Variants in CTNNAL1 observed in about 807,000 individuals in gnomAD.
The protein encoded by CTNNAL1 is alpha-catulin.
CTNNAL1 carries 69 observed loss-of-function variants against 93.6 expected under a neutral mutation model. The observed-to-expected ratio is 0.74, with a 90% CI of 0.61 to 0.90. The LOEUF is 0.90. Ranked by LOEUF, CTNNAL1 falls within the 40% of genes least tolerant of loss-of-function variation. The pLI, the probability that CTNNAL1 is intolerant of heterozygous loss-of-function variation, is 0.00. For synonymous variants in CTNNAL1, 286 were observed against 305.4 expected (o/e 0.94, Z 0.66); for missense variants, 836 against 862.0 (o/e 0.97, Z 0.38).
chr9:108,979,373 A>T lies in CTNNAL1; in HGVS notation c.1009T>A (p.Tyr337Asn). 1 of 1,614,178 alleles carries T rather than the reference A, an allele frequency of 6.2e-7. No individual in the cohort carries two copies. The highest frequency in any genetic ancestry group is 8.5e-7 in the Non-Finnish European group (1 of 1,180,020). ...CGTTCTCTGTGCTCATGGCTGGTGTAGGCAGAATCAGTAAAGTCCTCCATA... is the reference window on the plus strand; with the variant it reads ...CGTTCTCTGTGCTCATGGCTGGTGTTGGCAGAATCAGTAAAGTCCTCCATA... ...ERMEDFTDSA[Y>N]TSHEHRERIL... is the part of the protein sequence containing the mutation. Residue 337 changes from tyrosine (Y) to asparagine (N), a missense_variant, in exon 7 of 19, where the codon TAC (tyrosine) becomes AAC (asparagine). Tyr to Asn is a moderately radical substitution (Grantham distance 143). Coordinates refer to ENST00000325551, the MANE Select transcript of CTNNAL1 (RefSeq NM_003798.4).
intron 1 of CTNNAL1, among the ~76,000 whole-genome samples, chr9:109,003,636 T>C (rs1826921101): frequency 6.6e-6 from 1 of 152,228 alleles, no homozygotes; most frequent in Non-Finnish European, 1.5e-5. Context: ...TGAACAGGAC[T>C]GTATAGCAGT....
At chr9:108,971,626 CTCCTT>C (rs1831120013) in intron 9 of CTNNAL1, among the ~76,000 whole-genome samples, 1 of 152,200 alleles carries the variant, frequency 6.6e-6, no homozygotes, top group South Asian at 2.1e-4. Flanking sequence ...GCCTTTGCTC[CTCCTT>C]TGCCTTCTGC....
At chr9:109,009,979 T>G (rs1020567153) in intron 1 of CTNNAL1, among the ~76,000 whole-genome samples, 2 of 152,218 alleles carry the variant, frequency 1.3e-5, no homozygotes, top group South Asian at 4.1e-4. Context: ...CATATTTTGC[T>G]GTTACTGTTA....
In CTNNAL1 at chr9:108,943,792, G is replaced by A; in HGVS notation, c.1966C>T (p.Leu656Phe). ...KQLKDDDKLMLLLEINKLIPL... is the reference protein window; with the variant it reads ...KQLKDDDKLMFLLEINKLIPL... Reference sequence around the variant, plus strand: ...ATTAGCTTGTTTATTTCCAGGAGAAGCATAAGCTTGTCATCGTCTTTCAGC... The same window carrying A: ...ATTAGCTTGTTTATTTCCAGGAGAAACATAAGCTTGTCATCGTCTTTCAGC... Residue 656 changes from leucine to phenylalanine, a missense_variant, in exon 17 of 19, where the codon CTT becomes TTT. Transcript: ENST00000325551. 6.2e-7 allele frequency: 1 copy of A among 1,613,622 alleles called. No individual in the cohort carries two copies. The highest frequency in any genetic ancestry group is 8.5e-7 in the Non-Finnish European group (1 of 1,179,838).
At chr9:109,001,453 G>A (rs1345382808) in intron 1 of CTNNAL1, among the ~76,000 whole-genome samples, 1 of 152,166 alleles carries the variant, frequency 6.6e-6, no homozygotes, top group Non-Finnish European at 1.5e-5. Context: ...AGTGTGGACT[G>A]GACTTGGTGA....
At chr9:109,002,026 A>G (rs536543303) in intron 1 of CTNNAL1, among the ~76,000 whole-genome samples, 4 of 152,242 alleles carry the variant, frequency 2.6e-5, no homozygotes, top group African/African-American at 9.6e-5. Flanking sequence ...GAGCGAATAA[A>G]AACTAGAAAC....
At chr9:108,972,864 G>GGGGGGGGGGGGGGCCCCCCCCCCCCCCC in intron 8 of CTNNAL1, 31 bp from the exon 9 acceptor site, 1 of 142,580 alleles carries the variant, frequency 7.0e-6, no homozygotes, top group Non-Finnish European at 1.0e-5. Flanking sequence ...GGGGGGGTGG[G>GGGGGGGGGGGGGGCCCCCCCCCCCCCCC]AGGGTGGAGA....
chr9:108,980,132 C>T (rs190776123), intron 6 of CTNNAL1, among the ~76,000 whole-genome samples: 3 of 152,324 alleles, frequency 2.0e-5, no homozygotes, highest in Admixed American at 6.5e-5. Context: ...CAAGCCCAAA[C>T]GTCTATGTAG....
intron 1 of CTNNAL1, among the ~76,000 whole-genome samples, chr9:109,002,933 C>T (rs1045546100): frequency 2.6e-5 from 4 of 151,872 alleles, no homozygotes; most frequent in Non-Finnish European, 5.9e-5. Context: ...GTAGAGATTG[C>T]AGTAAGCCAA....
intron 7 of CTNNAL1, among the ~76,000 whole-genome samples, chr9:108,977,852 G>A (rs28361137): frequency 3.3e-5 from 5 of 152,086 alleles, no homozygotes; most frequent in Admixed American, 2.0e-4. Flanking sequence ...TACTTACAAA[G>A]CTATTTGTAC....
At chr9:108,997,904 C>G (rs59249225) in intron 2 of CTNNAL1, among the ~76,000 whole-genome samples, 1 of 152,234 alleles carries the variant, frequency 6.6e-6, no homozygotes, top group Non-Finnish European at 1.5e-5. Context: ...ATCCTCACAC[C>G]CCCTAAAATG....
intron 5 of CTNNAL1, among the ~76,000 whole-genome samples, chr9:108,983,819 T>C (rs146601679): frequency 6.6e-6 from 1 of 152,324 alleles, no homozygotes; most frequent in East Asian, 1.9e-4. Context: ...GAAAAGGTTA[T>C]TCCAAACAAA....
At chr9:108,952,518 T>G (rs1437476727) in intron 12 of CTNNAL1, 24 bp from the exon 13 acceptor site, 1 of 1,613,574 alleles carries the variant, frequency 6.2e-7, no homozygotes, top group East Asian at 2.2e-5. Flanking sequence ...AAGATTAAGA[T>G]TATCTTAAAA....
At chr9:108,949,827 G>C (rs1421774121) in intron 14 of CTNNAL1, among the ~76,000 whole-genome samples, 1 of 152,018 alleles carries the variant, frequency 6.6e-6, no homozygotes, top group Non-Finnish European at 1.5e-5. Flanking sequence ...CTGGGTGACA[G>C]AGCAAGACTC....
At chr9:108,986,347 G>C (rs10979639) in intron 4 of CTNNAL1, among the ~76,000 whole-genome samples, 1 of 148,256 alleles carries the variant, frequency 6.7e-6, no homozygotes, top group Non-Finnish European at 1.5e-5. Context: ...TCCCTACAAA[G>C]GACATGAACT....
chr9:108,979,876 C>G (rs1831377623), intron 6 of CTNNAL1, among the ~76,000 whole-genome samples: 2 of 152,134 alleles, frequency 1.3e-5, no homozygotes, highest in Non-Finnish European at 2.9e-5. Flanking sequence ...TGTGCTGAGC[C>G]CAGGGGGAAG....
chr9:109,000,128 T>G (rs1445306637), intron 1 of CTNNAL1, among the ~76,000 whole-genome samples: 2 of 152,228 alleles, frequency 1.3e-5, no homozygotes, highest in East Asian at 1.9e-4. Context: ...GTATTAATAT[T>G]TTAGAATTAA....
chr9:108,984,949 T>A (rs1021309980), intron 4 of CTNNAL1, among the ~76,000 whole-genome samples: 9 of 152,220 alleles, frequency 5.9e-5, no homozygotes, highest in African/African-American at 2.2e-4. Context: ...AATATGCTGC[T>A]CTGAAATATT....
Position 108,999,059 on chromosome 9 carries a change from C to A in CTNNAL1, c.331+8G>T. ...TATGAATAGTCTTCAAAATCAATAT[C>A]CACCTACCTGCTTGTTTAGCTTCAA... On this transcript the variant is annotated splice_region_variant and intron_variant, in intron 2 of 18. Coordinates refer to ENST00000325551, the MANE Select transcript of CTNNAL1 (RefSeq NM_003798.4). The A allele has an allele frequency of 1.9e-6, 3 of 1,597,276 alleles. No homozygotes were observed. The highest frequency in any genetic ancestry group is 1.7e-6 in the Non-Finnish European group (2 of 1,173,224).
Sources: gnomAD v4.1 joint callset for allele counts (sites outside exome capture counted in the v4.1 genomes callset) on GRCh38, gnomAD v4.1.1 for gene constraint, MANE v1.5 for transcripts, NCBI Gene and HGNC (gene_info 2026-07-23, HGNC 2026-07-21) for gene names.